The following MYLK variants were observed in gnomAD, a reference collection of about 807,000 sequenced individuals.
The protein encoded by MYLK is myosin light chain kinase, smooth muscle.
Under a neutral mutation model 203.4 loss-of-function variants are expected in MYLK, and 106 were observed. That is an observed-to-expected ratio of 0.52 (90% CI 0.45 to 0.61). MYLK has a LOEUF of 0.61. Among genes scored for constraint, MYLK ranks in the 20% least tolerant of loss-of-function variants. MYLK has a pLI of 0.00. For missense variants in MYLK, 2,072 were observed against 2,442.3 expected, an observed-to-expected ratio of 0.85 and a Z score of 3.20; for synonymous variants, 867 against 959.5, an observed-to-expected ratio of 0.90 and a Z score of 1.78.
At chr3:123,749,424 G>C (rs1334719025) in intron 5 of MYLK, among the ~76,000 whole-genome samples, 1 of 152,166 alleles carries the variant, frequency 6.6e-6, no homozygotes, top group Non-Finnish European at 1.5e-5. Context: ...CTGACCTCTG[G>C]AGGTGGGCAA....
intron 5 of MYLK, among the ~76,000 whole-genome samples, chr3:123,751,814 A>G (rs2063202249): frequency 6.6e-6 from 1 of 152,122 alleles, no homozygotes; most frequent in African/African-American, 2.4e-5. Context: ...AAGGGCCTCT[A>G]AGGAGCAGAC....
intron 20 of MYLK, among the ~76,000 whole-genome samples, chr3:123,674,912 C>A (rs1041300297): frequency 6.6e-6 from 1 of 152,402 alleles, no homozygotes; most frequent in East Asian, 1.9e-4. Flanking sequence ...CTGTCCCCAA[C>A]ATGGACACAC....
chr3:123,802,154 G>GT (rs1316222539), intron 3 of MYLK, among the ~76,000 whole-genome samples: 1 of 152,198 alleles, frequency 6.6e-6, no homozygotes, highest in Admixed American at 6.5e-5. Context: ...CCTCATGATA[G>GT]TTCTGATTTG....
chr3:123,858,163 T>C (rs548216222), intron 2 of MYLK, among the ~76,000 whole-genome samples: 4 of 152,312 alleles, frequency 2.6e-5, no homozygotes, highest in Non-Finnish European at 4.4e-5. Flanking sequence ...TCACTTGCAA[T>C]AGTGCCCAGA....
chr3:123,778,651 G>T (rs2064171098), intron 4 of MYLK, among the ~76,000 whole-genome samples: 1 of 152,150 alleles, frequency 6.6e-6, no homozygotes. Flanking sequence ...AGACGCAGAA[G>T]CCCAGTCACC....
chr3:123,850,114 G>A (rs181908253), intron 2 of MYLK, among the ~76,000 whole-genome samples: 1 of 152,244 alleles, frequency 6.6e-6, no homozygotes, highest in Admixed American at 6.5e-5. Flanking sequence ...TGGTGTATAT[G>A]TGCCACATTT....
chr3:123,815,678 G>A (rs949612852), intron 3 of MYLK, among the ~76,000 whole-genome samples: 5 of 152,022 alleles, frequency 3.3e-5, no homozygotes, highest in East Asian at 3.9e-4. Flanking sequence ...CCATCACATC[G>A]TGCCCACCAA....
chr3:123,777,204 G>A (rs773941795), intron 4 of MYLK, among the ~76,000 whole-genome samples: 1 of 152,228 alleles, frequency 6.6e-6, no homozygotes, highest in Non-Finnish European at 1.5e-5. Context: ...ATGTGCTTGC[G>A]CACATCTGCC....
At chr3:123,740,041 A>G (rs371598173) in intron 5 of MYLK, 40 bp from the exon 6 acceptor site, 102 of 1,608,594 alleles carry the variant, frequency 6.3e-5, no homozygotes, top group Admixed American at 2.2e-4. Flanking sequence ...CTGAGCCACC[A>G]ACTTGGAGCA....
chr3:123,805,174 C>T lies in MYLK; in HGVS notation c.-3-11330G>A, dbSNP rs570910355. 3.9e-5 allele frequency among the ~76,000 whole-genome samples: 6 copies of T among 152,280 alleles called. No individual in the cohort carries two copies. In the East Asian group the frequency reaches 1.2e-3, roughly 29 times the overall value. Reference sequence around the variant, plus strand: ...GGATACTTCTATTCCAAATCCTTCCCCGTGTGACACAGCAAAGGAGAATGA... The same window carrying T: ...GGATACTTCTATTCCAAATCCTTCCTCGTGTGACACAGCAAAGGAGAATGA... On this transcript the variant is annotated intron_variant, in intron 3 of 33. Transcript: ENST00000360304.
At chr3:123,865,250 C>T (rs1363219924) in intron 2 of MYLK, among the ~76,000 whole-genome samples, 1 of 152,156 alleles carries the variant, frequency 6.6e-6, no homozygotes, top group Non-Finnish European at 1.5e-5. Context: ...TGCCATTGTC[C>T]TAGGAAAATA....
intron 3 of MYLK, among the ~76,000 whole-genome samples, chr3:123,812,149 C>T (rs1331765181): frequency 6.6e-6 from 1 of 152,170 alleles, no homozygotes; most frequent in Non-Finnish European, 1.5e-5. Context: ...TCTTGCCCCC[C>T]AGTTCTGTTC....
chr3:123,618,247 A>G, intron 33 of MYLK: 1 of 286,612 alleles, frequency 3.5e-6, no homozygotes, highest in Admixed American at 4.8e-5. Flanking sequence ...TCCACATCCT[A>G]TGCCTTTGTG....
intron 15 of MYLK, 114 bp downstream of exon 15, chr3:123,708,584 G>C (rs2061554618): frequency 1.7e-6 from 2 of 1,181,398 alleles, no homozygotes; most frequent in Admixed American, 2.0e-5. Flanking sequence ...TGAGGGACGA[G>C]AGGGCCCTCA....
chr3:123,628,414 G>A (rs2058260240), intron 30 of MYLK, among the ~76,000 whole-genome samples: 1 of 152,152 alleles, frequency 6.6e-6, no homozygotes, highest in Non-Finnish European at 1.5e-5. Flanking sequence ...CTGGAGCCAG[G>A]CCCCTCCCCT....
chr3:123,651,965 A>C (rs1439730000), intron 24 of MYLK, among the ~76,000 whole-genome samples: 2 of 152,222 alleles, frequency 1.3e-5, no homozygotes, highest in Non-Finnish European at 2.9e-5. Flanking sequence ...GTCCGGACTA[A>C]GCAGGGAGCA....
At chr3:123,646,286 C>T (rs981067778) in intron 27 of MYLK, among the ~76,000 whole-genome samples, 6 of 151,924 alleles carry the variant, frequency 3.9e-5, no homozygotes, top group Admixed American at 2.0e-4. Context: ...TGGAAGGATA[C>T]AGATAAAAGC....
At chr3:123,819,925 T>A (rs1310520182) in intron 3 of MYLK, among the ~76,000 whole-genome samples, 1 of 151,136 alleles carries the variant, frequency 6.6e-6, no homozygotes, top group Non-Finnish European at 1.5e-5. Flanking sequence ...TGCACCACCC[T>A]CCTTCTAAAT....
At chr3:123,819,988 C>T (rs915485217) in intron 3 of MYLK, among the ~76,000 whole-genome samples, 4 of 152,082 alleles carry the variant, frequency 2.6e-5, no homozygotes, top group African/African-American at 4.8e-5. Context: ...ATAAAACTTA[C>T]GGAGAGCTTC....
Sources: gnomAD v4.1 joint callset for allele counts (sites outside exome capture counted in the v4.1 genomes callset) on GRCh38, gnomAD v4.1.1 for gene constraint, MANE v1.5 for transcripts, NCBI Gene and HGNC (gene_info 2026-07-23, HGNC 2026-07-21) for gene names.